ZCCHC2: variants seen among roughly 807,000 people sequenced by gnomAD.
ZCCHC2 encodes zinc finger CCHC domain-containing protein 2.
ZCCHC2 carries 39 observed loss-of-function variants against 103.6 expected under a neutral mutation model. That is an observed-to-expected ratio of 0.38 (90% CI 0.29 to 0.49). The LOEUF (loss-of-function observed/expected upper bound fraction) is 0.49, where lower values mean the gene tolerates loss of function less well. ZCCHC2 is among the 20% of genes least tolerant of loss of function. The probability of loss-of-function intolerance (pLI) is 0.96; values close to 1 mark genes in which losing one functional copy is unlikely to be tolerated. For synonymous variants in ZCCHC2, 687 were observed against 608.9 expected (o/e 1.13, Z -1.89); for missense variants, 1,483 against 1,491.0 (o/e 0.99, Z 0.09).
chr18:62,569,956 A>G (rs1277183922), intron 11 of ZCCHC2, 147 bp from the exon 12 acceptor site: 3 of 642,726 alleles, frequency 4.7e-6, no homozygotes, highest in Non-Finnish European at 7.6e-6. Flanking sequence ...ATTGTAATTT[A>G]ATCAGTTTAG....
In ZCCHC2 at chr18:62,523,879, C is replaced by G; in HGVS notation, c.455C>G (p.Ala152Gly). The G allele has an allele frequency of 6.5e-7, 1 of 1,542,602 alleles. No individual in the cohort carries two copies. Among genetic ancestry groups the G allele is most frequent in the Non-Finnish European group, 8.7e-7 (1 of 1,145,748 alleles). Reference protein sequence around the residue: ...YHYLRDSEAKANGLSDPGPLA... With the variant: ...YHYLRDSEAKGNGLSDPGPLA... ...TACCTGCGCGACTCGGAGGCCAAGG[C>G]CAACGGCCTCTCGGACCCGGGGCCG... is the stretch of plus-strand genomic sequence containing the variant. The change falls in exon 1 of 14, where the codon GCC (alanine) becomes GGC (glycine). Residue 152 changes from alanine (A) to glycine (G), a missense_variant. By Grantham distance (60) the Ala-to-Gly change is moderately conservative. Around this residue, in one of 3 missense-constraint regions of ZCCHC2, gnomAD observed 568 missense variants for 525.1 expected, o/e 1.08. Coordinates refer to ENST00000269499, the MANE Select transcript of ZCCHC2 (RefSeq NM_017742.6).
chr18:62,537,383 T>C (rs920969119), intron 1 of ZCCHC2, among the ~76,000 whole-genome samples: 1 of 152,042 alleles, frequency 6.6e-6, no homozygotes, highest in Non-Finnish European at 1.5e-5. Flanking sequence ...TGTCGCCCAG[T>C]CTGTCTTGAA....
In ZCCHC2 at chr18:62,576,657, T is replaced by G; in HGVS notation, c.*78T>G. The G allele has an allele frequency of 7.3e-7, 1 of 1,366,442 alleles. No individual in the cohort carries two copies. The highest frequency in any genetic ancestry group is 1.0e-6 in the Non-Finnish European group (1 of 979,016). 84.6% of individuals were successfully genotyped at this position (1,366,442 alleles called of 1,614,324 possible). ...GTGGAGGGGAGGAAAGGAAAGGTAT[T>G]TTGTTTCTTTGTCTATACATTTCCT... is the stretch of plus-strand genomic sequence containing the variant. On this transcript the variant is annotated 3_prime_UTR_variant, in exon 14 of 14. Transcript: ENST00000269499.
In ZCCHC2 at chr18:62,523,679, C is replaced by T. The variant is rs901339607; in HGVS notation, c.255C>T (p.Gly85=). 1.2e-5 allele frequency: 17 copies of T among 1,374,396 alleles called. No homozygotes were observed. The African/African-American group carries it at 2.4e-4, about 20-fold the overall frequency. The allele number at this position is 1,374,396 out of a possible 1,614,324, so 85.1% of individuals were successfully genotyped here. The change falls in exon 1 of 14, where the codon GGC becomes GGT. Residue 85 remains glycine (G), a synonymous_variant. Transcript: ENST00000269499. The part of the protein sequence containing the change: ...AAAGAGMPGG[G]GGPSAALREQ... ...CGGGGGCGGGTATGCCGGGCGGCGGCGGGGGGCCCTCGGCGGCGCTGCGCG... is the reference window on the plus strand; with the variant it reads ...CGGGGGCGGGTATGCCGGGCGGCGGTGGGGGGCCCTCGGCGGCGCTGCGCG...
chr18:62,584,883 G>A (rs1028168071), exon 15 of ZCCHC2: 1 of 152,310 alleles, frequency 6.6e-6, no homozygotes, highest in Non-Finnish European at 1.5e-5. Context: ...CTTGAAGTTG[G>A]TGCTCACTTC....
intron 12 of ZCCHC2, 127 bp from the exon 13 acceptor site, chr18:62,573,930 C>T: frequency 1.1e-6 from 1 of 938,228 alleles, no homozygotes; most frequent in South Asian, 1.8e-5. Context: ...TCAGCTTGGA[C>T]AGTCAGGAAA....
chr18:62,542,498 C>A lies in ZCCHC2; in HGVS notation c.1052C>A (p.Ala351Asp). 6.4e-7 allele frequency: 1 copy of A among 1,558,260 alleles called. No individual in the cohort carries two copies. The highest frequency in any genetic ancestry group is 2.4e-5 in the East Asian group (1 of 42,064). Residue 351 changes from alanine (A) to aspartate (D), a missense_variant and splice_region_variant, in exon 3 of 14, where the codon GCT becomes GAT. By Grantham distance (126) the Ala-to-Asp change is moderately radical (BLOSUM62 -2). Around this residue, in one of 3 missense-constraint regions of ZCCHC2, gnomAD observed 568 missense variants for 525.1 expected, o/e 1.08. Coordinates refer to ENST00000269499, the MANE Select transcript of ZCCHC2 (RefSeq NM_017742.6). ...TVAPHRAQRE[A>D]VHIEKIMLKG... ...TCACCGTGTGTTTTTTTTCTTTCAG[C>A]TGTACACATTGAGAAGATAATGTTG...
At chr18:62,570,033 A>G in intron 11 of ZCCHC2, 70 bp from the exon 12 acceptor site, 1 of 1,425,374 alleles carries the variant, frequency 7.0e-7, no homozygotes, top group Admixed American at 2.7e-5. Context: ...ATTAATTTCT[A>G]ATGATTCAAC....
At chr18:62,566,750 GACC>G (rs1916384319) in intron 11 of ZCCHC2, among the ~76,000 whole-genome samples, 1 of 152,202 alleles carries the variant, frequency 6.6e-6, no homozygotes, top group African/African-American at 2.4e-5. Flanking sequence ...TTAAGCATGT[GACC>G]TCTCTGATGC....
intron 1 of ZCCHC2, among the ~76,000 whole-genome samples, chr18:62,532,598 CATGCCATTGTCTCTTGT>C (rs1414128527): frequency 6.6e-6 from 1 of 152,192 alleles, no homozygotes; most frequent in Non-Finnish European, 1.5e-5. Flanking sequence ...AGGCTGGGTT[CATGCCATTGTCTCTTGT>C]ATGATGTTTT....
intron 8 of ZCCHC2, 33 bp from the exon 9 acceptor site, chr18:62,562,976 A>AT (rs1187634347): frequency 6.3e-7 from 1 of 1,590,410 alleles, no homozygotes; most frequent in Middle Eastern, 1.7e-4. Context: ...TTGAGGGCAG[A>AT]TTTTCACACT....
rs562716901 is a variant in ZCCHC2, at chr18:62,535,556, G to C, written c.940-4125G>C. Among the ~76,000 whole-genome samples the C allele has an allele frequency of 7.9e-5, 12 of 152,354 alleles. No homozygotes were observed. In the South Asian group the frequency reaches 2.5e-3, roughly 32 times the overall value. ...GTGTCTGGGACACAGCTGGGGCCCAGATGGCATCCCTAGACCCCTCTCCTC... is the reference window on the plus strand; with the variant it reads ...GTGTCTGGGACACAGCTGGGGCCCACATGGCATCCCTAGACCCCTCTCCTC... On this transcript the variant is annotated intron_variant, in intron 1 of 13. Coordinates refer to ENST00000269499, the MANE Select transcript of ZCCHC2 (RefSeq NM_017742.6).
chr18:62,584,776 G>C (rs1376682309), exon 15 of ZCCHC2: 2 of 152,328 alleles, frequency 1.3e-5, no homozygotes, highest in Admixed American at 6.5e-5. Flanking sequence ...GCTGTGAAGT[G>C]GGGTGGGAAT....
At chr18:62,536,247 C>T (rs562668448) in intron 1 of ZCCHC2, among the ~76,000 whole-genome samples, 71 of 152,258 alleles carry the variant, frequency 4.7e-4, no homozygotes, top group African/African-American at 1.6e-3. Flanking sequence ...TTGAGGCAAG[C>T]GATAGGACAG....
chr18:62,550,258 C>A, intron 4 of ZCCHC2, 90 bp from the exon 5 acceptor site: 1 of 911,852 alleles, frequency 1.1e-6, no homozygotes, highest in Non-Finnish European at 1.7e-6. Context: ...GAGCAGGAGG[C>A]ATTAATCTTC....
rs1411206559 is a variant in ZCCHC2 at position 62,574,852 on chromosome 18, C to G, written c.2771C>G (p.Ala924Gly). The G allele has an allele frequency of 6.2e-7, 1 of 1,613,932 alleles. No homozygotes were observed. Among genetic ancestry groups the G allele is most frequent in the South Asian group, 1.1e-5 (1 of 91,086 alleles). Residue 924 changes from alanine (A) to glycine (G), a missense_variant, in exon 13 of 14, where the codon GCT (alanine) becomes GGT (glycine). Transcript: ENST00000269499. ...TACCCCTTACCAGGCTCTCCCCTTG[C>G]TGCCGGCGTGTTACCCAGCCAGAAC... Reference protein sequence around the residue: ...ASYPLPGSPLAAGVLPSQNSS... With the variant: ...ASYPLPGSPLGAGVLPSQNSS...
At chr18:62,550,148 A>G (rs752228466) in intron 4 of ZCCHC2, among the ~76,000 whole-genome samples, 200 bp from the exon 5 acceptor site, 3 of 152,226 alleles carry the variant, frequency 2.0e-5, no homozygotes, top group Non-Finnish European at 4.4e-5. Context: ...AGGTTCAGTC[A>G]GAAGATGGTG....
intron 14 of ZCCHC2, among the ~76,000 whole-genome samples, chr18:62,584,222 T>C (rs1598975108): frequency 6.6e-6 from 1 of 151,980 alleles, no homozygotes; most frequent in Non-Finnish European, 1.5e-5. Flanking sequence ...GAATTGGGGG[T>C]GGTTTGGGGC....
At chr18:62,570,421 TG>T (rs956961861) in intron 12 of ZCCHC2, among the ~76,000 whole-genome samples, 190 bp downstream of exon 12, 9 of 152,352 alleles carry the variant, frequency 5.9e-5, no homozygotes, top group African/African-American at 1.9e-4. Context: ...TTCCTAACAA[TG>T]TTGATTTGAT....
Sources: allele counts gnomAD v4.1 joint callset (sites outside exome capture counted in the v4.1 genomes callset), GRCh38; gene constraint gnomAD v4.1.1; regional missense constraint gnomAD v4.1.1; transcripts MANE v1.5; gene names NCBI Gene and HGNC (gene_info 2026-07-23, HGNC 2026-07-21).